ZC3H12B: variants seen among roughly 807,000 people sequenced by gnomAD.
ZC3H12B encodes probable ribonuclease ZC3H12B.
In ZC3H12B, 7 loss-of-function variants were observed where a neutral mutation model predicts 43.9. The ratio of observed to expected loss-of-function variants is 0.16; its 90% confidence interval spans 0.09 to 0.30. The LOEUF is 0.30. Ranked by LOEUF, ZC3H12B falls within the 10% of genes least tolerant of loss-of-function variation. The pLI, the probability that ZC3H12B is intolerant of heterozygous loss-of-function variation, is 1.00. For missense variants in ZC3H12B, 475 were observed against 670.2 expected, an observed-to-expected ratio of 0.71 and a Z score of 3.22; for synonymous variants, 222 against 241.7, an observed-to-expected ratio of 0.92 and a Z score of 0.76.
chrX:65,119,071 C>G, the ZC3H12B span, among the ~76,000 whole-genome samples: 1 of 111,002 alleles, frequency 9.0e-6, no homozygotes, highest in Admixed American at 9.6e-5. Flanking sequence ...TGGGTTGGTT[C>G]CAAGTCTTTG....
chrX:65,201,639 CCTCTCTCTCTCTCTCT>C, the ZC3H12B span, among the ~76,000 whole-genome samples: 6 of 64,551 alleles, frequency 9.3e-5, no homozygotes, highest in South Asian at 1.1e-3. Context: ...TGAAAGATCA[CCTCTCTCTCTCTCTCT>C]CTCTCTCTCT....
chrX:65,402,710 C>T (rs1275436753), intron 3 of ZC3H12B, among the ~76,000 whole-genome samples: 1 of 112,287 alleles, frequency 8.9e-6, no homozygotes, highest in African/African-American at 3.2e-5. Context: ...TCCCAAATCT[C>T]GTTTACGACC....
the ZC3H12B span, among the ~76,000 whole-genome samples, chrX:65,359,426 CA>C: frequency 1.8e-5 from 2 of 111,981 alleles, 1 homozygote; most frequent in Admixed American, 1.9e-4. Context: ...AGTGATTCAC[CA>C]TTCTCGCCAT....
At chrX:65,498,970 C>T (rs776231247) in intron 2 of ZC3H12B, 29 bp from the exon 8 acceptor site, 28 of 1,095,727 alleles carry the variant, frequency 2.6e-5, no homozygotes, top group Middle Eastern at 2.4e-4. Flanking sequence ...ATGATTTCTG[C>T]TCTGTGGCAT....
the ZC3H12B span, among the ~76,000 whole-genome samples, chrX:65,134,550 A>G: frequency 1.8e-5 from 2 of 111,521 alleles, no homozygotes; most frequent in African/African-American, 6.5e-5. Flanking sequence ...GCTGGAGAAG[A>G]GAGTGAAAAG....
the ZC3H12B span, among the ~76,000 whole-genome samples, chrX:65,182,872 A>G: frequency 8.9e-6 from 1 of 112,332 alleles, no homozygotes; most frequent in Non-Finnish European, 1.9e-5. Flanking sequence ...GCACAATGAG[A>G]TATCATCTCA....
rs1235821191 is a variant in ZC3H12B at position 65,381,598 on chromosome X, A to G, written n.295+12600A>G. 3.6e-5 allele frequency among the ~76,000 whole-genome samples: 4 copies of G among 111,915 alleles called. No homozygotes were observed. The South Asian group carries it at 1.1e-3, about 31-fold the overall frequency. ...AGCTAGCAGAAGGCAAGAAATAACT[A>G]AAATCAGAGCAGAACTGAAGGAAAT... is the stretch of plus-strand genomic sequence containing the variant. On this transcript the variant is annotated intron_variant and non_coding_transcript_variant, in intron 2 of 5. Transcript: ENST00000617377.
At chrX:65,185,807 A>T in the ZC3H12B span, 1 of 111,449 alleles carries the variant, frequency 9.0e-6, no homozygotes, top group East Asian at 2.8e-4. Context: ...TTAATAAAGT[A>T]TCTATTGCAC....
chrX:65,478,734 T>C (rs778182641), intron 3 of ZC3H12B, among the ~76,000 whole-genome samples: 18 of 112,418 alleles, frequency 1.6e-4, no homozygotes, highest in Non-Finnish European at 2.8e-4. Context: ...TGCTATAGCC[T>C]TCACTTCCTG....
the ZC3H12B span, among the ~76,000 whole-genome samples, chrX:65,066,844 G>T: frequency 6.3e-5 from 7 of 111,966 alleles, no homozygotes; most frequent in Admixed American, 4.7e-4. Flanking sequence ...TGCCCCGTGT[G>T]TAGGAATCTA....
the ZC3H12B span, among the ~76,000 whole-genome samples, chrX:65,196,002 C>T: frequency 8.9e-6 from 1 of 111,911 alleles, no homozygotes; most frequent in African/African-American, 3.2e-5. Context: ...GTTTACAGAA[C>T]TCAGCTTGGA....
At chrX:65,170,146 T>G in the ZC3H12B span, among the ~76,000 whole-genome samples, 1 of 112,107 alleles carries the variant, frequency 8.9e-6, no homozygotes, top group African/African-American at 3.2e-5. Flanking sequence ...CTTTACAATT[T>G]GGCATGTTTT....
chrX:65,176,280 C>T, the ZC3H12B span, among the ~76,000 whole-genome samples: 3 of 111,658 alleles, frequency 2.7e-5, no homozygotes, highest in Admixed American at 1.9e-4. Context: ...CCAGGAAGAT[C>T]GAACTGGGTG....
chrX:65,411,996 A>C (rs1183606311), intron 3 of ZC3H12B, among the ~76,000 whole-genome samples: 1 of 111,236 alleles, frequency 9.0e-6, no homozygotes, highest in African/African-American at 3.3e-5. Context: ...TTGAGGTGAA[A>C]TCTAGATAAT....
At chrX:65,324,596 G>A in the ZC3H12B span, among the ~76,000 whole-genome samples, 1 of 110,690 alleles carries the variant, frequency 9.0e-6, no homozygotes, top group Admixed American at 9.6e-5. Context: ...CCATGTATTT[G>A]TGAATTTTTA....
chrX:65,286,458 A>G, the ZC3H12B span, among the ~76,000 whole-genome samples: 1 of 111,383 alleles, frequency 9.0e-6, no homozygotes, highest in Non-Finnish European at 1.9e-5. Context: ...ATCAAGTACT[A>G]TGCCTACTAC....
At chrX:65,146,468 G>A in the ZC3H12B span, among the ~76,000 whole-genome samples, 2 of 111,509 alleles carry the variant, frequency 1.8e-5, no homozygotes, top group East Asian at 5.7e-4. Flanking sequence ...AGTAAATCTG[G>A]GATTTCTTCT....
At chrX:65,077,839 A>G in the ZC3H12B span, among the ~76,000 whole-genome samples, 2 of 112,184 alleles carry the variant, frequency 1.8e-5, no homozygotes, top group Non-Finnish European at 3.8e-5. Flanking sequence ...AACTCATAGC[A>G]TTCTTGTTCC....
intron 3 of ZC3H12B, among the ~76,000 whole-genome samples, chrX:65,445,373 G>A (rs1002698307): frequency 3.9e-4 from 44 of 112,488 alleles, no homozygotes; most frequent in African/African-American, 1.4e-3. Flanking sequence ...GGTATTCAAA[G>A]GGAATTGAGT....
Sources: allele counts gnomAD v4.1 joint callset (sites outside exome capture counted in the v4.1 genomes callset), GRCh38; gene constraint gnomAD v4.1.1; transcripts MANE v1.5; gene names NCBI Gene and HGNC (gene_info 2026-07-23, HGNC 2026-07-21).